The following STK26 variants were observed in gnomAD, a reference collection of about 807,000 sequenced individuals.
The protein encoded by STK26 is serine/threonine kinase 26, also known as serine/threonine-protein kinase 26.
In STK26, 14 loss-of-function variants were observed where a neutral mutation model predicts 34.7. The ratio of observed to expected loss-of-function variants is 0.40; its 90% CI spans 0.27 to 0.63. The LOEUF is 0.63. STK26 is among the 30% of genes least tolerant of loss of function. The pLI, the probability that STK26 is intolerant of heterozygous loss-of-function variation, is 0.38. For missense variants in STK26, 226 were observed against 309.1 expected (o/e 0.73, Z 2.02); for synonymous variants, 100 against 109.8 (o/e 0.91, Z 0.56).
At chrX:132,037,057 T>C (rs951018789) in intron 2 of STK26, among the ~76,000 whole-genome samples, 3 of 112,076 alleles carry the variant, frequency 2.7e-5, no homozygotes, top group African/African-American at 9.7e-5. Context: ...ATGTAATTTA[T>C]GTAAAAAATA....
chrX:132,055,485 C>G, intron 3 of STK26: 1 of 1,155,024 alleles, frequency 8.7e-7, no homozygotes. Context: ...ACCTGAAGTT[C>G]CAGCAGATGG....
chrX:132,072,153 G>T (rs1927435793), intron 8 of STK26, 115 bp from the exon 9 acceptor site: 1 of 549,213 alleles, frequency 1.8e-6, no homozygotes, highest in East Asian at 3.6e-5. Flanking sequence ...TTTGCATCAT[G>T]AGTTTTTAAA....
In STK26 at chrX:132,075,139, T is replaced by C. The variant is rs913163528; in HGVS notation, c.*980T>C. 8.9e-6 allele frequency: 1 copy of C among 112,044 alleles called. No homozygotes were observed. The highest frequency in any genetic ancestry group is 3.2e-5 in the African/African-American group (1 of 30,862). The allele number at this position is 112,044 out of a possible 1,213,427, so 9.2% of individuals were successfully genotyped here. On this transcript the variant is annotated 3_prime_UTR_variant, in exon 12 of 12. Transcript: ENST00000394334. ...ATCACTAATAAGCATCAGTTTGTTGTTTTTAAAAGGATATTTAAGTGAGCA... is the reference window on the plus strand; with the variant it reads ...ATCACTAATAAGCATCAGTTTGTTGCTTTTAAAAGGATATTTAAGTGAGCA...
intron 3 of STK26, among the ~76,000 whole-genome samples, chrX:132,062,451 G>A (rs1927085331): frequency 8.9e-6 from 1 of 112,184 alleles, no homozygotes; most frequent in Admixed American, 9.4e-5. Flanking sequence ...TCAGCTCACA[G>A]GGAAGTTAAT....
chrX:132,073,416 T>C (rs760605918), intron 11 of STK26, among the ~76,000 whole-genome samples: 9 of 111,659 alleles, frequency 8.1e-5, no homozygotes, highest in Admixed American at 2.9e-4. Flanking sequence ...TGTGGAATGC[T>C]TTCTTTCTTG....
chrX:132,048,219 AT>A (rs1381108606), intron 2 of STK26, among the ~76,000 whole-genome samples: 1 of 112,041 alleles, frequency 8.9e-6, no homozygotes, highest in Non-Finnish European at 1.9e-5. Context: ...CTTATTGTAT[AT>A]GATAAATACA....
At chrX:132,024,629 A>G (rs1286324276) in intron 2 of STK26, among the ~76,000 whole-genome samples, 1 of 111,519 alleles carries the variant, frequency 9.0e-6, no homozygotes, top group Non-Finnish European at 1.9e-5. Flanking sequence ...TTCATGATCT[A>G]AAATGTGAAA....
At chrX:132,067,882 G>A (rs1927273582) in intron 4 of STK26, among the ~76,000 whole-genome samples, 1 of 111,297 alleles carries the variant, frequency 9.0e-6, no homozygotes, top group Admixed American at 9.6e-5. Flanking sequence ...AGAACAGATA[G>A]TTGGTTCTGT....
intron 2 of STK26, among the ~76,000 whole-genome samples, chrX:132,042,984 T>G (rs747062101): frequency 1.8e-5 from 2 of 111,852 alleles, no homozygotes; most frequent in Non-Finnish European, 3.8e-5. Context: ...GCAGCCACTT[T>G]CTCATTAAGA....
rs1235992140 is a variant in STK26 at position 132,068,281 on chromosome X, G to T, written c.397G>T (p.Asp133Tyr). 1.7e-6 allele frequency: 2 copies of T among 1,206,217 alleles called. No homozygotes were observed. ...TMLKEILKGL[D>Y]YLHSEKKIHR... ...GCTAAAGGAAATTTTAAAAGGTCTGGACTATCTGCATTCAGAAAAGAAAAT... is the reference window on the plus strand; with the variant it reads ...GCTAAAGGAAATTTTAAAAGGTCTGTACTATCTGCATTCAGAAAAGAAAAT... The change falls in exon 5 of 12, where the codon GAC becomes TAC. Residue 133 changes from aspartate (D) to tyrosine (Y), a missense_variant. This residue lies in a region of STK26 where 100 missense variants were observed against 176.7 expected (regional missense o/e 0.57). Coordinates refer to ENST00000394334, the MANE Select transcript of STK26 (RefSeq NM_016542.4).
chrX:132,067,175 G>A (rs1236706907), intron 4 of STK26, among the ~76,000 whole-genome samples: 1 of 111,643 alleles, frequency 9.0e-6, no homozygotes, highest in Non-Finnish European at 1.9e-5. Context: ...CAAAGTATGA[G>A]TTCTATTTTA....
intron 2 of STK26, among the ~76,000 whole-genome samples, chrX:132,050,239 T>C (rs1030655894): frequency 9.0e-6 from 1 of 111,670 alleles, no homozygotes. Flanking sequence ...ATTTTATCCT[T>C]CATCAATGTT....
In STK26 at chrX:132,073,038, G is replaced by A. The variant is rs769558719; in HGVS notation, c.1171G>A (p.Ala391Thr). Residue 391 changes from alanine to threonine, a missense_variant, in exon 11 of 12, where the codon GCC becomes ACC. Transcript: ENST00000394334. The part of the protein sequence containing the change: ...LEKSIAVAEA[A>T]CPGITDKMVK... ...GAAAAGTATTGCTGTGGCTGAAGCCGCCTGTCCCGGCATCACAGATAAAAT... is the reference window on the plus strand; with the variant it reads ...GAAAAGTATTGCTGTGGCTGAAGCCACCTGTCCCGGCATCACAGATAAAAT... The A allele has an allele frequency of 3.2e-5, 39 of 1,209,403 alleles. No homozygotes were observed. The highest frequency in any genetic ancestry group is 2.3e-4 in the Middle Eastern group (1 of 4,335).
intron 3 of STK26, chrX:132,055,551 C>T (rs1926829317): frequency 9.2e-7 from 1 of 1,085,610 alleles, no homozygotes; most frequent in African/African-American, 1.8e-5. Flanking sequence ...CCTTGGGTTC[C>T]AGAGTTAGAA....
rs193070557 is a variant in STK26 at position 132,069,012 on chromosome X, C to T, written c.597+443C>T. 6.2e-4 allele frequency among the ~76,000 whole-genome samples: 69 copies of T among 110,520 alleles called. No individual in the cohort carries two copies. The Admixed American group carries it at 6.3e-3, about 10-fold the overall frequency. The stretch of plus-strand genomic sequence containing the variant: ...CAGGTCTTTGCTTAAATATCACCTA[C>T]GCAGGGAAGTCTTCCCTGGCCATCT... On this transcript the variant is annotated intron_variant, in intron 6 of 11. Transcript: ENST00000394334.
intron 3 of STK26, among the ~76,000 whole-genome samples, chrX:132,062,009 T>A (rs997024028): frequency 8.9e-6 from 1 of 112,440 alleles, no homozygotes; most frequent in African/African-American, 3.2e-5. Flanking sequence ...TAAATAGTAG[T>A]GAGTTTCTCT....
chrX:132,037,516 A>G (rs1352481888), intron 2 of STK26, among the ~76,000 whole-genome samples: 1 of 111,951 alleles, frequency 8.9e-6, no homozygotes, highest in Non-Finnish European at 1.9e-5. Context: ...AGTTTTACAG[A>G]AAATCATTGC....
intron 7 of STK26, 50 bp from the exon 8 acceptor site, chrX:132,071,019 C>T (rs1927395695): frequency 2.6e-6 from 3 of 1,133,411 alleles, no homozygotes; most frequent in Non-Finnish European, 3.6e-6. Flanking sequence ...TCCTTGTAAT[C>T]ATAAGAGTTC....
At chrX:132,023,784 T>C (rs1935038071) in intron 2 of STK26, 125 bp downstream of exon 2, 1 of 828,957 alleles carries the variant, frequency 1.2e-6, no homozygotes, top group East Asian at 3.5e-5. Flanking sequence ...CCGGTCACTA[T>C]GGCCAGGTGA....
Sources: allele counts gnomAD v4.1 joint callset (sites outside exome capture counted in the v4.1 genomes callset), GRCh38; gene constraint gnomAD v4.1.1; regional missense constraint gnomAD v4.1.1; transcripts MANE v1.5; gene names NCBI Gene and HGNC (gene_info 2026-07-23, HGNC 2026-07-21).